ARGFX: variants seen among roughly 807,000 people sequenced by gnomAD.
ARGFX encodes the protein arginine-fifty homeobox.
A neutral mutation model predicts 8.0 loss-of-function variants in ARGFX; 10 were observed. The ratio of observed to expected loss-of-function variants is 1.25; its 90% CI spans 0.77 to 2.12. The LOEUF is 2.12. Among genes scored for constraint, ARGFX ranks in the 30% most tolerant of loss-of-function variants. ARGFX has a pLI of 0.00. For synonymous variants in ARGFX, 116 were observed against 117.8 expected, an observed-to-expected ratio of 0.98 and a Z score of 0.10; for missense variants, 282 against 324.3, an observed-to-expected ratio of 0.87 and a Z score of 1.00.
intron 2 of ARGFX, among the ~76,000 whole-genome samples, chr3:121,573,848 C>CAAAA (rs35593006): frequency 5.1e-5 from 3 of 59,028 alleles, no homozygotes; most frequent in African/African-American, 7.0e-5. Flanking sequence ...AACTCCATCT[C>CAAAA]AAAAAAAAAA....
intron 3 of ARGFX, among the ~76,000 whole-genome samples, chr3:121,580,450 C>CATTTCTATCAGTTCCAT (rs2048771248): frequency 6.6e-6 from 1 of 151,564 alleles, no homozygotes; most frequent in Non-Finnish European, 1.5e-5. Context: ...AGTACTCAAC[C>CATTTCTATCAGTTCCAT]ATTTCTATCA....
chr3:121,584,804 A>T, intron 3 of ARGFX, 113 bp from the exon 4 acceptor site: 1 of 1,257,838 alleles, frequency 8.0e-7, no homozygotes, highest in South Asian at 1.5e-5. Context: ...TGGTTGGAGG[A>T]AAGGCATGAG....
At position 121,586,543 on chromosome 3, in the gene ARGFX, A is replaced by G; in HGVS notation, c.891A>G (p.Leu297=). The change falls in exon 5 of 5, where the codon CTA becomes CTG. Residue 297 remains leucine, a synonymous_variant. Transcript: ENST00000334384. The stretch of plus-strand genomic sequence containing the variant: ...GCCAAGCCTTTGAAGCCTACAGTCT[A>G]ACAGATAGCCTGGAATTCCAGAAAA... ...MTSQAFEAYS[L]TDSLEFQKTS... 6.2e-7 allele frequency: 1 copy of G among 1,614,168 alleles called. No homozygotes were observed. The highest frequency in any genetic ancestry group is 1.1e-5 in the South Asian group (1 of 91,072).
chr3:121,573,848 CAA>C (rs35593006), intron 2 of ARGFX, among the ~76,000 whole-genome samples: 898 of 58,966 alleles, frequency 0.015, 5 homozygotes, highest in African/African-American at 0.033. Context: ...AACTCCATCT[CAA>C]AAAAAAAAAA....
chr3:121,579,157 C>T (rs60184004), intron 3 of ARGFX, among the ~76,000 whole-genome samples: 41,882 of 152,008 alleles, frequency 0.28, 6,226 homozygotes, highest in East Asian at 0.61. Context: ...GAAATGCGCC[C>T]CACATGGATG....
rs1491494549 is a variant in ARGFX, at chr3:121,577,260, T to TATATATATATA, written c.220+360_220+361insATATATATATA. ...ATATATATATATATATATATATATA[T>TATATATATATA]TTTTTTTTTTTTAAATGGAGTCTCA... On this transcript the variant is annotated intron_variant, in intron 3 of 4. Transcript: ENST00000334384. 5.8e-4 allele frequency among the ~76,000 whole-genome samples: 18 copies of TATATATATATA among 30,878 alleles called. No homozygotes were observed. The East Asian group carries it at 7.3e-3, about 13-fold the overall frequency. 20.3% of individuals were successfully genotyped at this position (30,878 alleles called of 152,430 possible).
At position 121,571,367 on chromosome 3, in the gene ARGFX, CTAAT is replaced by C. The variant is rs916888858; in HGVS notation, c.103+552_103+555del. Among the ~76,000 whole-genome samples the C allele has an allele frequency of 2.6e-5, 4 of 151,992 alleles. No homozygotes were observed. In the East Asian group the frequency reaches 5.8e-4, roughly 22 times the overall value. ...TATAAAAATCTGGTTTTTCTATACA[CTAAT>C]AAGCAATCAGAAAAGAAAATTATAA... On this transcript the variant is annotated intron_variant, in intron 2 of 4. Transcript: ENST00000334384.
intron 3 of ARGFX, among the ~76,000 whole-genome samples, chr3:121,584,578 A>T (rs764702042): frequency 1.3e-5 from 2 of 152,228 alleles, no homozygotes; most frequent in Non-Finnish European, 2.9e-5. Context: ...CCAGAGAATA[A>T]AAGTAAAACA....
intron 4 of ARGFX, 34 bp downstream of exon 4, chr3:121,585,099 T>A (rs752316655): frequency 6.9e-6 from 11 of 1,605,516 alleles, no homozygotes; most frequent in Non-Finnish European, 9.3e-6. Flanking sequence ...GGTACCCCCA[T>A]CCAAGCCACA....
chr3:121,576,408 G>A (rs905969231), intron 2 of ARGFX, among the ~76,000 whole-genome samples: 1 of 152,004 alleles, frequency 6.6e-6, no homozygotes, highest in African/African-American at 2.4e-5. Flanking sequence ...GTGTGATCTC[G>A]ACTCACCGCA....
rs1419741364 is a variant in ARGFX, at chr3:121,588,528, G to A, written c.*1928G>A. Among the ~76,000 whole-genome samples the A allele has an allele frequency of 6.6e-6, 1 of 151,028 alleles. No individual in the cohort carries two copies. The highest frequency in any genetic ancestry group is 6.6e-5 in the Admixed American group (1 of 15,112). On this transcript the variant is annotated 3_prime_UTR_variant, in exon 5 of 5. Coordinates refer to ENST00000334384, the MANE Select transcript of ARGFX (RefSeq NM_001012659.2). ...AAAAAATAAAAGAAACATAAGATAA[G>A]TACCTCTCAATGAAAAATGTAAAAG... is the stretch of plus-strand genomic sequence containing the variant.
intron 3 of ARGFX, among the ~76,000 whole-genome samples, chr3:121,577,913 G>A (rs2048753883): frequency 6.6e-6 from 1 of 151,822 alleles, no homozygotes; most frequent in Non-Finnish European, 1.5e-5. Context: ...AGCCTTTTGA[G>A]TAGCTGGGAT....
At position 121,574,043 on chromosome 3, in the gene ARGFX, A is replaced by T. The variant is rs540979644; in HGVS notation, c.104-2741A>T. 2.0e-5 allele frequency among the ~76,000 whole-genome samples: 3 copies of T among 152,228 alleles called. No homozygotes were observed. In the East Asian group the frequency reaches 5.8e-4, roughly 29 times the overall value. On this transcript the variant is annotated intron_variant, in intron 2 of 4. Coordinates refer to ENST00000334384, the MANE Select transcript of ARGFX (RefSeq NM_001012659.2). ...ACAAGTGTCGGTGAGGATGGGGAGA[A>T]ATCAGAATGTTTGCAGGAATGTAAA...
chr3:121,586,657 AT>A lies in ARGFX; in HGVS notation c.*58del, dbSNP rs1170729915. The stretch of plus-strand genomic sequence containing the variant: ...AAAGTGGTCTTCTTGCCTCTTGTAC[AT>A]GACTGTTTTTTTCCTTTGTCTCATT... On this transcript the variant is annotated 3_prime_UTR_variant, in exon 5 of 5. Transcript: ENST00000334384. 4.3e-6 allele frequency: 6 copies of A among 1,395,152 alleles called. No homozygotes were observed. Among genetic ancestry groups the A allele is most frequent in the Non-Finnish European group, 5.9e-6 (6 of 1,025,048 alleles). The allele number at this position is 1,395,152 out of a possible 1,614,324, so 86.4% of individuals were successfully genotyped here.
chr3:121,577,238 T>TATATCTACATGTAC (rs1560120388), intron 3 of ARGFX, among the ~76,000 whole-genome samples: 2 of 63,196 alleles, frequency 3.2e-5, no homozygotes, highest in Admixed American at 2.2e-4. Flanking sequence ...TATATATATA[T>TATATCTACATGTAC]ATATATATAT....
At chr3:121,571,409 T>C (rs920821610) in intron 2 of ARGFX, among the ~76,000 whole-genome samples, 1 of 152,100 alleles carries the variant, frequency 6.6e-6, no homozygotes, top group East Asian at 1.9e-4. Flanking sequence ...ATAACTCCAT[T>C]TACAATAGCA....
intron 2 of ARGFX, 87 bp from the exon 3 acceptor site, chr3:121,576,696 TC>T (rs2048738169): frequency 7.3e-6 from 2 of 275,222 alleles, no homozygotes; most frequent in Non-Finnish European, 1.3e-5. Flanking sequence ...TCTTTCTTTC[TC>T]TTTCTTTCTT....
chr3:121,584,445 A>G (rs1217179068), intron 3 of ARGFX, among the ~76,000 whole-genome samples: 1 of 152,160 alleles, frequency 6.6e-6, no homozygotes, highest in Admixed American at 6.6e-5. Context: ...AATTAAAAAA[A>G]TTTTTGGCTA....
chr3:121,579,835 C>T (rs1197051514), intron 3 of ARGFX, among the ~76,000 whole-genome samples: 3 of 152,012 alleles, frequency 2.0e-5, no homozygotes, highest in Non-Finnish European at 2.9e-5. Context: ...GTGATCTGCC[C>T]GCCTTGGCAT....
Sources: gnomAD v4.1 joint callset for allele counts (sites outside exome capture counted in the v4.1 genomes callset) on GRCh38, gnomAD v4.1.1 for gene constraint, MANE v1.5 for transcripts, NCBI Gene and HGNC (gene_info 2026-07-23, HGNC 2026-07-21) for gene names.